The following CFAP299 variants were observed in gnomAD, a reference collection of about 807,000 sequenced individuals.
CFAP299 encodes cilia and flagella associated protein 299, also known as cilia- and flagella-associated protein 299.
A neutral mutation model predicts 27.0 loss-of-function variants in CFAP299; 21 were observed. The ratio of observed to expected loss-of-function variants is 0.78; its 90% CI spans 0.55 to 1.12. The LOEUF is 1.12. Among genes scored for constraint, CFAP299 ranks in the 50% most tolerant of loss-of-function variants. CFAP299 has a pLI of 0.00. For missense variants in CFAP299, 310 were observed against 276.6 expected, an observed-to-expected ratio of 1.12 and a Z score of -0.86; for synonymous variants, 104 against 98.1, an observed-to-expected ratio of 1.06 and a Z score of -0.36.
chr4:80,761,506 A>T (rs1004689206), intron 3 of CFAP299, among the ~76,000 whole-genome samples: 1 of 152,082 alleles, frequency 6.6e-6, no homozygotes, highest in Admixed American at 6.6e-5. Context: ...TTTGAAGCTA[A>T]AATATTAATA....
At chr4:80,387,120 T>C (rs1222879194) in intron 2 of CFAP299, 17 of 1,438,198 alleles carry the variant, frequency 1.2e-5, no homozygotes, top group Non-Finnish European at 1.7e-5. Flanking sequence ...GGTGGATATT[T>C]GTTGACACGT....
At chr4:80,338,549 G>C (rs1381202228) in intron 1 of CFAP299, among the ~76,000 whole-genome samples, 3 of 152,042 alleles carry the variant, frequency 2.0e-5, no homozygotes, top group African/African-American at 7.2e-5. Flanking sequence ...GAAACAGTTG[G>C]ACTAGATTAT....
chr4:80,629,885 C>CAAA (rs35985770), intron 3 of CFAP299, among the ~76,000 whole-genome samples: 1 of 144,976 alleles, frequency 6.9e-6, no homozygotes, highest in Admixed American at 6.8e-5. Context: ...AAAAAAAAAA[C>CAAA]AAAAAAAACA....
At chr4:80,658,923 A>G (rs1213827736) in intron 3 of CFAP299, among the ~76,000 whole-genome samples, 1 of 152,144 alleles carries the variant, frequency 6.6e-6, no homozygotes, top group Non-Finnish European at 1.5e-5. Context: ...GCAGCTGTCT[A>G]TTGACATTTA....
intron 1 of CFAP299, among the ~76,000 whole-genome samples, chr4:80,360,417 A>G (rs781738195): frequency 2.6e-5 from 4 of 152,194 alleles, no homozygotes; most frequent in Non-Finnish European, 4.4e-5. Flanking sequence ...AGCAGGAGTC[A>G]TGATACTACT....
chr4:80,929,917 A>G (rs549304867), intron 4 of CFAP299, among the ~76,000 whole-genome samples: 2 of 152,220 alleles, frequency 1.3e-5, no homozygotes, highest in East Asian at 3.9e-4. Context: ...CTTCTTTCCC[A>G]TCTCCTGGCA....
At chr4:80,800,228 TAATA>T (rs1486914691) in intron 3 of CFAP299, among the ~76,000 whole-genome samples, 6 of 73,816 alleles carry the variant, frequency 8.1e-5, no homozygotes, top group African/African-American at 1.7e-4. Context: ...TTATAATATA[TAATA>T]AATAATATAA....
intron 3 of CFAP299, among the ~76,000 whole-genome samples, chr4:80,678,057 A>G (rs932619425): frequency 6.6e-6 from 1 of 151,938 alleles, no homozygotes; most frequent in African/African-American, 2.4e-5. Context: ...TTTTAAATTT[A>G]TCATCAATCT....
rs745836470 is a variant in CFAP299 at position 80,487,528 on chromosome 4, C to T, written c.243-95565C>T. Among the ~76,000 whole-genome samples, 11 of 152,122 alleles carry T rather than the reference C, an allele frequency of 7.2e-5. 1 individual carries two copies. Among genetic ancestry groups the T allele is most frequent in the Non-Finnish European group, 1.5e-4 (10 of 68,034 alleles). Reference sequence around the variant, plus strand: ...TCACCATATTCTCCTTAAGTTACTTCCTTGGAGTCTAGAAGGCAGAGAGGG... The same window carrying T: ...TCACCATATTCTCCTTAAGTTACTTTCTTGGAGTCTAGAAGGCAGAGAGGG... On this transcript the variant is annotated intron_variant, in intron 2 of 5. Coordinates refer to ENST00000358105, the MANE Select transcript of CFAP299 (RefSeq NM_152770.3).
At chr4:80,411,380 G>A (rs993864788) in intron 2 of CFAP299, among the ~76,000 whole-genome samples, 4 of 151,998 alleles carry the variant, frequency 2.6e-5, no homozygotes, top group Admixed American at 6.6e-5. Flanking sequence ...ACTGCCTAAG[G>A]TTTGCTTAGA....
At chr4:80,724,139 T>G (rs1264392208) in intron 3 of CFAP299, among the ~76,000 whole-genome samples, 1 of 152,158 alleles carries the variant, frequency 6.6e-6, no homozygotes, top group African/African-American at 2.4e-5. Context: ...TCATTACAAA[T>G]TTGACTATAA....
chr4:80,639,270 C>A (rs1174548374), intron 3 of CFAP299, among the ~76,000 whole-genome samples: 1 of 152,112 alleles, frequency 6.6e-6, no homozygotes, highest in Non-Finnish European at 1.5e-5. Flanking sequence ...GAAGTGGGCC[C>A]TTAATGAGTA....
intron 2 of CFAP299, chr4:80,386,481 C>T: frequency 1.3e-6 from 2 of 1,542,794 alleles, no homozygotes; most frequent in South Asian, 1.2e-5. Flanking sequence ...GCCGCCACGG[C>T]GCGGGGCTGC....
intron 3 of CFAP299, among the ~76,000 whole-genome samples, chr4:80,645,440 T>C (rs1404839304): frequency 6.6e-6 from 1 of 152,148 alleles, no homozygotes; most frequent in Non-Finnish European, 1.5e-5. Context: ...TATCTGTTAA[T>C]ACTCTACAAT....
chr4:80,868,419 G>A (rs972251276), intron 3 of CFAP299, among the ~76,000 whole-genome samples: 13 of 152,102 alleles, frequency 8.5e-5, no homozygotes, highest in Non-Finnish European at 1.5e-5. Context: ...ACTGTTCCTG[G>A]ATAATTCTTT....
At chr4:80,336,879 C>T (rs561285992) in intron 1 of CFAP299, among the ~76,000 whole-genome samples, 1 of 152,292 alleles carries the variant, frequency 6.6e-6, no homozygotes, top group Admixed American at 6.5e-5. Context: ...CCACCAGCTC[C>T]CCACACTTCT....
At chr4:80,331,066 T>C (rs982470386), upstream of CFAP299, among the ~76,000 whole-genome samples, 1 of 152,220 alleles carries the variant, frequency 6.6e-6, no homozygotes, top group African/African-American at 2.4e-5. Flanking sequence ...AGGAGACTAC[T>C]ATATCTTGAT....
At chr4:80,505,098 A>AT (rs1731954964) in intron 2 of CFAP299, among the ~76,000 whole-genome samples, 1 of 150,202 alleles carries the variant, frequency 6.7e-6, no homozygotes, top group African/African-American at 2.4e-5. Context: ...AGATATCTAT[A>AT]TAAAAAGATG....
chr4:80,491,425 C>A (rs1000437165), intron 2 of CFAP299, among the ~76,000 whole-genome samples: 2 of 151,864 alleles, frequency 1.3e-5, no homozygotes. Context: ...AACGTATATA[C>A]ATATATATCC....
Sources: gnomAD v4.1 joint callset for allele counts (sites outside exome capture counted in the v4.1 genomes callset) on GRCh38, gnomAD v4.1.1 for gene constraint, MANE v1.5 for transcripts, NCBI Gene and HGNC (gene_info 2026-07-23, HGNC 2026-07-21) for gene names.